RIMS2: variants seen among roughly 807,000 people sequenced by gnomAD.
The protein encoded by RIMS2 is regulating synaptic membrane exocytosis protein 2.
RIMS2 carries 59 observed loss-of-function variants against 174.4 expected under a neutral mutation model. The ratio of observed to expected loss-of-function variants is 0.34; its 90% CI spans 0.27 to 0.42. RIMS2 has a LOEUF of 0.42. Among genes scored for constraint, RIMS2 ranks in the 10% least tolerant of loss-of-function variants. The probability of loss-of-function intolerance (pLI) is 1.00; values close to 1 mark genes in which losing one functional copy is unlikely to be tolerated. For synonymous variants in RIMS2, 606 were observed against 572.5 expected (o/e 1.06, Z -0.84); for missense variants, 1,620 against 1,666.3 (o/e 0.97, Z 0.48).
intron 19 of RIMS2, among the ~76,000 whole-genome samples, chr8:104,198,862 C>T (rs2441905): frequency 1.3e-5 from 2 of 151,844 alleles, no homozygotes; most frequent in Non-Finnish European, 1.5e-5. Context: ...GATATTAAAT[C>T]GATTAATAGG....
intron 14 of RIMS2, among the ~76,000 whole-genome samples, chr8:103,946,889 A>C (rs562069407): frequency 1.5e-3 from 223 of 152,308 alleles, no homozygotes; most frequent in African/African-American, 5.1e-3. Flanking sequence ...ATACTGACAT[A>C]ATGATAGACC....
chr8:103,646,037 T>A (rs2096324215), intron 1 of RIMS2, among the ~76,000 whole-genome samples: 1 of 151,948 alleles, frequency 6.6e-6, no homozygotes, highest in South Asian at 2.1e-4. Flanking sequence ...GGTTGTTCTC[T>A]GGTGGGCAGT....
chr8:103,713,642 C>T (rs1452407207), intron 2 of RIMS2, among the ~76,000 whole-genome samples: 1 of 152,146 alleles, frequency 6.6e-6, no homozygotes, highest in Non-Finnish European at 1.5e-5. Context: ...TCTAATTGGT[C>T]TCTCTGCTTC....
In RIMS2 at chr8:104,171,523, T is replaced by A. The variant is rs1255304035; in HGVS notation, c.3335-73393T>A. Among the ~76,000 whole-genome samples the A allele has an allele frequency of 3.3e-5, 5 of 151,866 alleles. No homozygotes were observed. The East Asian group carries it at 9.7e-4, about 29-fold the overall frequency. ...TTTGTTATATATATATATCTCTCTC[T>A]GGAAAATTTTTCATTTGTATCCTGG... On this transcript the variant is annotated intron_variant, in intron 19 of 23. Coordinates refer to ENST00000504942, the Ensembl canonical transcript of RIMS2.
rs1419135582 is a variant in RIMS2, at chr8:103,976,877, T to A, written c.2927+1371T>A. The stretch of plus-strand genomic sequence containing the variant: ...GCAGTGGGAAGAATGGCTCAGAAAA[T>A]CTGCAGCTACAGGTCTTAAGCTTAC... On this transcript the variant is annotated intron_variant, in intron 16 of 23. Transcript: ENST00000504942. 7 of 152,108 alleles carry A rather than the reference T, an allele frequency of 4.6e-5. No homozygotes were observed. In the East Asian group the frequency reaches 1.3e-3, roughly 29 times the overall value. The allele number at this position is 152,108 out of a possible 1,614,324, so 9.4% of individuals were successfully genotyped here. A position where few individuals can be genotyped will look rare whatever the true frequency, so the allele number is the denominator to read the frequency against.
intron 19 of RIMS2, among the ~76,000 whole-genome samples, chr8:104,024,985 T>C (rs980819742): frequency 6.6e-6 from 1 of 152,152 alleles, no homozygotes; most frequent in Non-Finnish European, 1.5e-5. Flanking sequence ...TCCCAAGCTA[T>C]TGTCACATAC....
intron 17 of RIMS2, among the ~76,000 whole-genome samples, chr8:104,002,398 G>T (rs1231768209): frequency 1.3e-5 from 2 of 151,826 alleles, no homozygotes; most frequent in Non-Finnish European, 2.9e-5. Flanking sequence ...TTCAAACCTG[G>T]ATTACTCTCT....
Position 103,766,401 on chromosome 8 carries a change from C to T in RIMS2, c.562C>T (p.Gln188Ter). The change falls in exon 3 of 24, where the codon CAG (glutamine) becomes TAG (stop). Residue 188 changes from glutamine (Q) to a stop codon, truncating the protein, a stop_gained. Transcript: ENST00000504942. LOFTEE classifies it high-confidence loss of function. ...GAAACCAAAACTACATGAGCAGACC[C>T]AGTTCCAAGGACCCTCAGGTGACTT... The T allele has an allele frequency of 6.2e-7, 1 of 1,613,808 alleles. No individual in the cohort carries two copies. Among genetic ancestry groups the T allele is most frequent in the Non-Finnish European group, 8.5e-7 (1 of 1,179,792 alleles).
At chr8:104,005,608 C>G (rs543391757) in intron 17 of RIMS2, among the ~76,000 whole-genome samples, 1 of 152,232 alleles carries the variant, frequency 6.6e-6, no homozygotes, top group African/African-American at 2.4e-5. Flanking sequence ...GAGAAGATAT[C>G]AGGGGGCAGT....
At chr8:104,128,319 G>A (rs549421539) in intron 19 of RIMS2, among the ~76,000 whole-genome samples, 6 of 152,306 alleles carry the variant, frequency 3.9e-5, no homozygotes, top group Admixed American at 3.3e-4. Flanking sequence ...TCAAACAATT[G>A]CCAAAGGCCT....
At chr8:103,854,046 G>T (rs146461148) in intron 3 of RIMS2, among the ~76,000 whole-genome samples, 1 of 151,996 alleles carries the variant, frequency 6.6e-6, no homozygotes, top group African/African-American at 2.4e-5. Context: ...ATTTATTTGT[G>T]TAGACCCTGA....
In RIMS2 at chr8:103,936,013, A is replaced by C. The variant is rs9692835; in HGVS notation, c.2376-538A>C. On this transcript the variant is annotated intron_variant, in intron 12 of 23. Coordinates refer to ENST00000504942, the Ensembl canonical transcript of RIMS2. The stretch of plus-strand genomic sequence containing the variant: ...AAATAAATGTACAGTGTTTTAAAAT[A>C]CCAGATGTATGTCAAATAAATATGA... Among the ~76,000 whole-genome samples the C allele has an allele frequency of 9.4e-3, 1,435 of 152,314 alleles. 18 individuals carry two copies. Among genetic ancestry groups the C allele is most frequent in the Middle Eastern group, 0.031 (9 of 294 alleles).
intron 2 of RIMS2, among the ~76,000 whole-genome samples, chr8:103,709,370 G>A (rs1176494275): frequency 1.7e-5 from 2 of 115,044 alleles, no homozygotes; most frequent in Non-Finnish European, 3.5e-5. Flanking sequence ...CTTTTTTCAT[G>A]TGTGGTATCT....
At chr8:104,157,882 T>C (rs2134455350) in intron 19 of RIMS2, among the ~76,000 whole-genome samples, 1 of 152,320 alleles carries the variant, frequency 6.6e-6, no homozygotes, top group East Asian at 1.9e-4. Context: ...TTTTGTTTTT[T>C]GAGGAACTGC....
intron 2 of RIMS2, among the ~76,000 whole-genome samples, chr8:103,752,272 G>A (rs373000401): frequency 3.9e-5 from 6 of 152,052 alleles, no homozygotes; most frequent in East Asian, 1.9e-4. Flanking sequence ...GATATGCAGC[G>A]TTATTTCTGA....
At chr8:103,795,191 T>TC in intron 3 of RIMS2, among the ~76,000 whole-genome samples, 1 of 152,124 alleles carries the variant, frequency 6.6e-6, no homozygotes. Flanking sequence ...AACCCAAATG[T>TC]CATCAATGAT....
intron 19 of RIMS2, among the ~76,000 whole-genome samples, chr8:104,103,923 CA>C (rs2097966977): frequency 6.6e-6 from 1 of 152,044 alleles, no homozygotes; most frequent in African/African-American, 2.4e-5. Flanking sequence ...CTGCAAGTGA[CA>C]AATTTGAGGC....
chr8:104,035,499 G>A (rs2096494515), intron 19 of RIMS2, among the ~76,000 whole-genome samples: 2 of 150,482 alleles, frequency 1.3e-5, no homozygotes, highest in African/African-American at 4.9e-5. Flanking sequence ...TAAGTATAGT[G>A]TAGGTAGGTT....
intron 14 of RIMS2, among the ~76,000 whole-genome samples, chr8:103,954,129 A>G (rs1187992730): frequency 1.3e-5 from 2 of 152,140 alleles, no homozygotes; most frequent in Non-Finnish European, 2.9e-5. Context: ...CTACAAAGAG[A>G]CTTATACTCC....
Sources: allele counts gnomAD v4.1 joint callset (sites outside exome capture counted in the v4.1 genomes callset), GRCh38; gene constraint gnomAD v4.1.1; transcripts MANE v1.5; gene names NCBI Gene and HGNC (gene_info 2026-07-23, HGNC 2026-07-21).